Variants in DPYSL3 observed in about 807,000 individuals in gnomAD.
The protein encoded by DPYSL3 is dihydropyrimidinase like 3, also known as dihydropyrimidinase-related protein 3.
A neutral mutation model predicts 66.1 loss-of-function variants in DPYSL3; 16 were observed. The observed-to-expected ratio is 0.24, with a 90% CI of 0.16 to 0.37. The LOEUF (loss-of-function observed/expected upper bound fraction) is 0.37, where lower values mean the gene tolerates loss of function less well. Ranked by LOEUF, DPYSL3 falls within the 10% of genes least tolerant of loss-of-function variation. The probability of loss-of-function intolerance (pLI) is 1.00; values close to 1 mark genes in which losing one functional copy is unlikely to be tolerated. For missense variants in DPYSL3, 738 were observed against 916.2 expected, an observed-to-expected ratio of 0.81 and a Z score of 2.51; for synonymous variants, 338 against 345.1, an observed-to-expected ratio of 0.98 and a Z score of 0.23.
At chr5:147,424,014 C>T (rs1752141678) in intron 2 of DPYSL3, among the ~76,000 whole-genome samples, 1 of 152,188 alleles carries the variant, frequency 6.6e-6, no homozygotes, top group African/African-American at 2.4e-5. Flanking sequence ...TTACAGCCGC[C>T]ATGCCCGGCC....
intron 1 of DPYSL3, among the ~76,000 whole-genome samples, chr5:147,478,509 T>G (rs563894394): frequency 2.0e-5 from 3 of 152,302 alleles, no homozygotes; most frequent in African/African-American, 7.2e-5. Context: ...TGGCCTTACA[T>G]GCACTCCGTA....
intron 1 of DPYSL3, among the ~76,000 whole-genome samples, chr5:147,498,035 C>A (rs1001630225): frequency 2.0e-5 from 3 of 151,684 alleles, no homozygotes; most frequent in Non-Finnish European, 4.4e-5. Flanking sequence ...GATTATTTCA[C>A]CACTAAGCCT....
intron 1 of DPYSL3, among the ~76,000 whole-genome samples, chr5:147,467,926 G>A (rs1259180031): frequency 1.3e-5 from 2 of 152,112 alleles, no homozygotes; most frequent in Non-Finnish European, 2.9e-5. Context: ...TGGCTGAATG[G>A]GCAAGACAGC....
chr5:147,476,849 T>C (rs559380289), intron 1 of DPYSL3, among the ~76,000 whole-genome samples: 1 of 152,328 alleles, frequency 6.6e-6, no homozygotes, highest in East Asian at 1.9e-4. Flanking sequence ...ACAATGTTCA[T>C]TGCAAAGATA....
intron 1 of DPYSL3, among the ~76,000 whole-genome samples, chr5:147,448,174 G>A (rs56269143): frequency 0.025 from 3,824 of 151,734 alleles, 154 homozygotes; most frequent in African/African-American, 0.087. Flanking sequence ...ACTAAAAAAC[G>A]AGTTATGAAG....
intron 3 of DPYSL3, among the ~76,000 whole-genome samples, chr5:147,418,029 T>C (rs555121433): frequency 6.6e-6 from 1 of 152,306 alleles, no homozygotes; most frequent in East Asian, 1.9e-4. Flanking sequence ...AATCCCTCTC[T>C]CCGTGATACT....
intron 1 of DPYSL3, among the ~76,000 whole-genome samples, chr5:147,490,228 T>C (rs768226381): frequency 6.6e-6 from 1 of 152,172 alleles, no homozygotes; most frequent in East Asian, 1.9e-4. Flanking sequence ...AAAGCATCTA[T>C]CCCATGTTTA....
intron 1 of DPYSL3, among the ~76,000 whole-genome samples, chr5:147,439,194 G>A (rs896687158): frequency 6.6e-6 from 1 of 152,302 alleles, no homozygotes; most frequent in South Asian, 2.1e-4. Context: ...GGCTGAAAGT[G>A]CAAAGAATAA....
At position 147,401,757 on chromosome 5, in the gene DPYSL3, C is replaced by A. The variant is rs112771573; in HGVS notation, c.1154-61G>T. ...AAAGTATATGCTGCACTGGGCCAAG[C>A]CTATTTAATTTAGCTCCTAAGCCTA... is the stretch of plus-strand genomic sequence containing the variant. On this transcript the variant is annotated intron_variant, in intron 8 of 13. Transcript: ENST00000343218. 2,207 of 1,592,004 alleles carry A rather than the reference C, an allele frequency of 1.4e-3. 27 individuals carry two copies. The African/African-American group carries it at 0.025, about 18-fold the overall frequency.
At chr5:147,472,529 G>T in intron 1 of DPYSL3, 1 of 152,032 alleles carries the variant, frequency 6.6e-6, no homozygotes, top group Non-Finnish European at 1.5e-5. Flanking sequence ...GCCTCTGTTT[G>T]GGAAAAAATG....
In DPYSL3 at chr5:147,412,660, T is replaced by A. The variant is rs921701958; in HGVS notation, c.911A>T (p.Glu304Val). 3.7e-6 allele frequency: 6 copies of A among 1,612,700 alleles called. No individual in the cohort carries two copies. Among genetic ancestry groups the A allele is most frequent in the Non-Finnish European group, 5.1e-6 (6 of 1,179,492 alleles). Residue 304 changes from glutamate (E) to valine (V), a missense_variant, in exon 6 of 14, where the codon GAG (glutamate) becomes GTG (valine). Glu to Val is a moderately radical substitution (Grantham distance 121). Transcript: ENST00000343218. ...ELYEIFTCLG[E>V]LGAIAQVHAE... ...ATGAACTTGAGCAATGGCCCCCAGCTCTCCCAGGCAGGTGAAGATCTCATA... is the reference window on the plus strand; with the variant it reads ...ATGAACTTGAGCAATGGCCCCCAGCACTCCCAGGCAGGTGAAGATCTCATA...
intron 6 of DPYSL3, among the ~76,000 whole-genome samples, chr5:147,410,662 C>A (rs528667064): frequency 1.3e-5 from 2 of 152,140 alleles, no homozygotes; most frequent in Non-Finnish European, 2.9e-5. Context: ...AAGATGCTGT[C>A]GTCTTAGACT....
At chr5:147,453,796 C>T (rs1561794422) in intron 1 of DPYSL3, 2 of 1,265,584 alleles carry the variant, frequency 1.6e-6, no homozygotes, top group Non-Finnish European at 2.0e-6. Flanking sequence ...CCCCTTTCAC[C>T]CCCGCCCCCC....
chr5:147,426,471 G>C (rs1419167882), intron 1 of DPYSL3, among the ~76,000 whole-genome samples: 4 of 152,120 alleles, frequency 2.6e-5, no homozygotes, highest in African/African-American at 9.7e-5. Context: ...TGCAAGCAGA[G>C]GGGTGAAGAC....
intron 1 of DPYSL3, among the ~76,000 whole-genome samples, chr5:147,496,843 A>G (rs1268976698): frequency 0.014 from 2,122 of 151,666 alleles, 62 homozygotes; most frequent in East Asian, 0.083. Context: ...TCAGTGTGGC[A>G]ATTCCTCAGG....
chr5:147,444,897 C>G (rs1717764235), intron 1 of DPYSL3, among the ~76,000 whole-genome samples: 1 of 151,918 alleles, frequency 6.6e-6, no homozygotes, highest in Admixed American at 6.6e-5. Flanking sequence ...TGAGCTGCTT[C>G]TTAACCAATA....
At chr5:147,396,990 TAATAC>T (rs1757998864) in intron 12 of DPYSL3, among the ~76,000 whole-genome samples, 1 of 147,472 alleles carries the variant, frequency 6.8e-6, no homozygotes, top group Non-Finnish European at 1.5e-5. Context: ...TGTATTGTTA[TAATAC>T]AATACACAAT....
At chr5:147,431,634 T>C (rs1303513538) in intron 1 of DPYSL3, among the ~76,000 whole-genome samples, 1 of 152,308 alleles carries the variant, frequency 6.6e-6, no homozygotes, top group South Asian at 2.1e-4. Flanking sequence ...ACTAACACTT[T>C]GTTAATCAAA....
At chr5:147,428,429 CAGTCATCAACAA>C (rs1395092318) in intron 1 of DPYSL3, among the ~76,000 whole-genome samples, 1 of 152,052 alleles carries the variant, frequency 6.6e-6, no homozygotes, top group African/African-American at 2.4e-5. Context: ...CTAGGCAAAT[CAGTCATCAACAA>C]AGAGGAATCT....
Sources: gnomAD v4.1 joint callset for allele counts (sites outside exome capture counted in the v4.1 genomes callset) on GRCh38, gnomAD v4.1.1 for gene constraint, MANE v1.5 for transcripts, NCBI Gene and HGNC (gene_info 2026-07-23, HGNC 2026-07-21) for gene names.